CDC123: variants seen among roughly 807,000 people sequenced by gnomAD.
The protein encoded by CDC123 is cell division cycle 123, also known as translation initiation factor eIF2 assembly protein.
A neutral mutation model predicts 54.4 loss-of-function variants in CDC123; 37 were observed. That is an observed-to-expected ratio of 0.68 (90% CI 0.52 to 0.89). The LOEUF (loss-of-function observed/expected upper bound fraction) is 0.89, where lower values mean the gene tolerates loss of function less well. Ranked by LOEUF, CDC123 falls within the 40% of genes least tolerant of loss-of-function variation. The pLI is 0.00. For missense variants in CDC123, 361 were observed against 412.1 expected, an observed-to-expected ratio of 0.88 and a Z score of 1.07; for synonymous variants, 144 against 136.8, an observed-to-expected ratio of 1.05 and a Z score of -0.37.
At chr10:12,237,383 T>C in intron 9 of CDC123, 117 bp downstream of exon 9, 1 of 740,072 alleles carries the variant, frequency 1.4e-6, no homozygotes. Flanking sequence ...TGTAAGCATT[T>C]TACTATATTA....
intron 2 of CDC123, among the ~76,000 whole-genome samples, chr10:12,208,193 A>C (rs750967806): frequency 6.6e-5 from 10 of 152,114 alleles, no homozygotes; most frequent in Non-Finnish European, 1.3e-4. Flanking sequence ...TAGTCTTTGC[A>C]TAGCTGCTAT....
intron 6 of CDC123, among the ~76,000 whole-genome samples, chr10:12,220,242 T>G (rs1339069186): frequency 5.9e-5 from 9 of 152,236 alleles, no homozygotes; most frequent in Non-Finnish European, 8.8e-5. Context: ...CTGATGTTTT[T>G]TTTAAATCAG....
chr10:12,196,386 C>G (rs1053417361), intron 1 of CDC123, 67 bp downstream of exon 1: 3 of 1,605,702 alleles, frequency 1.9e-6, no homozygotes, highest in Non-Finnish European at 2.6e-6. Flanking sequence ...GCGAATCTTA[C>G]TGCTATCCAA....
At chr10:12,234,550 G>T (rs757077301) in intron 7 of CDC123, among the ~76,000 whole-genome samples, 7 of 152,026 alleles carry the variant, frequency 4.6e-5, no homozygotes, top group Non-Finnish European at 8.8e-5. Flanking sequence ...ATTCCTCAAG[G>T]GGTGCAGAAC....
chr10:12,206,932 G>A (rs373965941), intron 2 of CDC123, among the ~76,000 whole-genome samples: 16 of 145,996 alleles, frequency 1.1e-4, no homozygotes, highest in East Asian at 6.0e-4. Flanking sequence ...GCACTCCAGC[G>A]TGGGCAACAG....
In CDC123 at chr10:12,217,476, C is replaced by G. The variant is rs1054330296; in HGVS notation, c.440+9C>G. On this transcript the variant is annotated intron_variant, in intron 6 of 12. Transcript: ENST00000281141. ...CGTGACTTCACTCAGCCGTAAGTAT[C>G]TCTTATTCTCTCATGTCAATAGTTT... 6.2e-7 allele frequency: 1 copy of G among 1,610,820 alleles called. No homozygotes were observed.
chr10:12,221,694 T>G (rs1379892027), intron 6 of CDC123, among the ~76,000 whole-genome samples: 1 of 151,584 alleles, frequency 6.6e-6, no homozygotes, highest in Non-Finnish European at 1.5e-5. Context: ...TTTTTGAGAT[T>G]TTTATTTTTT....
In CDC123 at chr10:12,196,301, G is replaced by A; in HGVS notation, c.56G>A (p.Arg19Gln). 1 of 1,613,548 alleles carries A rather than the reference G, an allele frequency of 6.2e-7. No individual in the cohort carries two copies. Among genetic ancestry groups the A allele is most frequent in the South Asian group, 1.1e-5 (1 of 91,012 alleles). The change falls in exon 1 of 13, where the codon CGA (arginine) becomes CAA (glutamine). Residue 19 changes from arginine (R) to glutamine (Q), a missense_variant. By Grantham distance (43) the Arg-to-Gln change is conservative (BLOSUM62 1). Transcript: ENST00000281141. ...TTCTCCGCGTGGTACCCGTTCTTCC[G>A]AGGCGTTACCATCAAGAGGTGAGAT... is the stretch of plus-strand genomic sequence containing the variant. ...CQFSAWYPFF[R>Q]GVTIKSVILP...
At chr10:12,220,872 G>A (rs934889304) in intron 6 of CDC123, among the ~76,000 whole-genome samples, 1 of 152,004 alleles carries the variant, frequency 6.6e-6, no homozygotes, top group South Asian at 2.1e-4. Context: ...AGCTACTCGG[G>A]AGGCTGAGGC....
rs58263762 is a variant in CDC123 at position 12,215,687 on chromosome 10, T to A, written c.238-53T>A. 5,737 of 1,049,874 alleles carry A rather than the reference T, an allele frequency of 5.5e-3. 224 individuals carry two copies. In the African/African-American group the frequency reaches 0.084, roughly 15 times the overall value. 65.0% of individuals were successfully genotyped at this position (1,049,874 alleles called of 1,614,324 possible). On this transcript the variant is annotated intron_variant, in intron 4 of 12. Transcript: ENST00000281141. ...ACCTTGAGATTTTGATCTTGTTTTA[T>A]ATATATACTGTGATGATATTGACGT...
chr10:12,228,487 C>T (rs1191685074), intron 6 of CDC123, among the ~76,000 whole-genome samples: 4 of 151,596 alleles, frequency 2.6e-5, no homozygotes, highest in Non-Finnish European at 4.4e-5. Context: ...CTCACTGCAA[C>T]CTCCGCCTCC....
chr10:12,240,383 A>G (rs1836041114), intron 10 of CDC123, among the ~76,000 whole-genome samples: 1 of 152,212 alleles, frequency 6.6e-6, no homozygotes, highest in Non-Finnish European at 1.5e-5. Flanking sequence ...GATCAGCCTC[A>G]TTGTAAGTGA....
chr10:12,217,993 G>T (rs550609255), intron 6 of CDC123, among the ~76,000 whole-genome samples: 1 of 152,204 alleles, frequency 6.6e-6, no homozygotes, highest in South Asian at 2.1e-4. Context: ...GGAGGCTGAG[G>T]CAGGAGAATG....
intron 10 of CDC123, among the ~76,000 whole-genome samples, chr10:12,243,584 C>T (rs2399792): frequency 0.1 from 15,268 of 151,416 alleles, 1,432 homozygotes; most frequent in African/African-American, 0.24. Flanking sequence ...GTCAGGAGAT[C>T]GAGACCATCC....
At chr10:12,204,941 C>T (rs1588669893) in intron 2 of CDC123, among the ~76,000 whole-genome samples, 6 of 146,996 alleles carry the variant, frequency 4.1e-5, no homozygotes, top group Middle Eastern at 3.5e-3. Context: ...TGCAGTGAGC[C>T]GAGATCGTGC....
At chr10:12,206,410 T>C (rs1431571193) in intron 2 of CDC123, among the ~76,000 whole-genome samples, 1 of 152,246 alleles carries the variant, frequency 6.6e-6, no homozygotes, top group East Asian at 1.9e-4. Flanking sequence ...TGGGCAGGGA[T>C]TCACACGCTG....
At chr10:12,244,380 A>G (rs1180717253) in intron 10 of CDC123, among the ~76,000 whole-genome samples, 4 of 152,260 alleles carry the variant, frequency 2.6e-5, no homozygotes, top group African/African-American at 9.6e-5. Context: ...TTTCGAGGAA[A>G]CATCCATCCA....
chr10:12,238,513 T>A, intron 10 of CDC123, 28 bp downstream of exon 10: 1 of 1,605,236 alleles, frequency 6.2e-7, no homozygotes, highest in African/African-American at 1.3e-5. Context: ...CTGATATGCT[T>A]TAATATAAGA....
intron 6 of CDC123, among the ~76,000 whole-genome samples, chr10:12,227,308 A>C (rs1835837412): frequency 2.0e-5 from 3 of 151,088 alleles, no homozygotes; most frequent in Admixed American, 1.3e-4. Context: ...GGAGGGGAGG[A>C]ATAATTGACT....
Sources: gnomAD v4.1 joint callset for allele counts (sites outside exome capture counted in the v4.1 genomes callset) on GRCh38, gnomAD v4.1.1 for gene constraint, MANE v1.5 for transcripts, NCBI Gene and HGNC (gene_info 2026-07-23, HGNC 2026-07-21) for gene names.